DHX9: variants seen among roughly 807,000 people sequenced by gnomAD.
The protein encoded by DHX9 is DExH-box helicase 9.
A neutral mutation model predicts 148.7 loss-of-function variants in DHX9; 27 were observed. The observed-to-expected ratio is 0.18, with a 90% CI of 0.13 to 0.25. The LOEUF (loss-of-function observed/expected upper bound fraction) is 0.25, where lower values mean the gene tolerates loss of function less well. Among genes scored for constraint, DHX9 ranks in the 10% least tolerant of loss-of-function variants. DHX9 has a pLI of 1.00. For missense variants in DHX9, 796 were observed against 1,559.6 expected, an observed-to-expected ratio of 0.51 and a Z score of 8.25; for synonymous variants, 529 against 516.6, an observed-to-expected ratio of 1.02 and a Z score of -0.33.
At chr1:182,845,307 G>A (rs1044639651) in intron 3 of DHX9, among the ~76,000 whole-genome samples, 2 of 151,838 alleles carry the variant, frequency 1.3e-5, no homozygotes, top group African/African-American at 4.8e-5. Context: ...AGATCTGCTA[G>A]TGACAAATTC....
At chr1:182,886,732 C>G (rs1308947712) in intron 27 of DHX9, among the ~76,000 whole-genome samples, 1 of 152,192 alleles carries the variant, frequency 6.6e-6, no homozygotes, top group African/African-American at 2.4e-5. Context: ...AGGAAAACAT[C>G]TGGTGATAAA....
At position 182,880,487 on chromosome 1, in the gene DHX9, C is replaced by G. The variant is rs777669389; in HGVS notation, c.2513-10C>G. 4 of 1,574,032 alleles carry G rather than the reference C, an allele frequency of 2.5e-6. No individual in the cohort carries two copies. Among genetic ancestry groups the G allele is most frequent in the South Asian group, 2.2e-5 (2 of 89,210 alleles). The stretch of plus-strand genomic sequence containing the variant: ...TTTGTTTCTGCTCACAAAGAACTAT[C>G]TCCCCACAGAGCTTGATGCATTAGA... On this transcript the variant is annotated splice_polypyrimidine_tract_variant and intron_variant, in intron 21 of 27. Transcript: ENST00000367549.
At chr1:182,877,013 C>A in intron 19 of DHX9, 110 bp downstream of exon 19, 1 of 693,028 alleles carries the variant, frequency 1.4e-6, no homozygotes, top group Non-Finnish European at 2.5e-6. Flanking sequence ...GTTCTTAAAT[C>A]TCCAAAATTA....
intron 15 of DHX9, among the ~76,000 whole-genome samples, 187 bp from the exon 16 acceptor site, chr1:182,874,667 T>C (rs1283933527): frequency 6.6e-6 from 1 of 152,186 alleles, no homozygotes; most frequent in East Asian, 1.9e-4. Flanking sequence ...CTTCAAGGTC[T>C]AAGAGAGGGA....
At chr1:182,867,330 A>T (rs1221060821) in intron 14 of DHX9, among the ~76,000 whole-genome samples, 1 of 152,172 alleles carries the variant, frequency 6.6e-6, no homozygotes, top group Non-Finnish European at 1.5e-5. Flanking sequence ...ATGGTTTATG[A>T]CTAAATAGCT....
intron 4 of DHX9, 69 bp from the exon 5 acceptor site, chr1:182,853,237 A>G (rs1668188996): frequency 2.7e-6 from 3 of 1,116,792 alleles, no homozygotes; most frequent in Non-Finnish European, 4.0e-6. Flanking sequence ...AAATTAGGAT[A>G]ATTCTTTAAT....
intron 3 of DHX9, 127 bp downstream of exon 3, chr1:182,843,561 G>A: frequency 9.6e-7 from 1 of 1,046,642 alleles, no homozygotes; most frequent in South Asian, 2.2e-5. Context: ...ATGAAATTTG[G>A]CATCTTGTTT....
chr1:182,877,887 T>G, intron 19 of DHX9, 134 bp from the exon 20 acceptor site: 1 of 989,576 alleles, frequency 1.0e-6, no homozygotes, highest in Non-Finnish European at 1.5e-6. Context: ...TTCTTACTTG[T>G]GCCATTCATG....
chr1:182,886,194 T>C (rs577896851), intron 27 of DHX9, among the ~76,000 whole-genome samples: 1 of 151,582 alleles, frequency 6.6e-6, no homozygotes, highest in South Asian at 2.1e-4. Context: ...AATTTATTTA[T>C]TTATTTATTT....
intron 27 of DHX9, among the ~76,000 whole-genome samples, chr1:182,886,800 A>AC (rs1649350769): frequency 6.6e-6 from 1 of 152,228 alleles, no homozygotes; most frequent in Non-Finnish European, 1.5e-5. Context: ...CCTTCTTGGA[A>AC]CACTTATGTT....
At chr1:182,885,995 A>G (rs1649304028) in intron 27 of DHX9, among the ~76,000 whole-genome samples, 1 of 152,162 alleles carries the variant, frequency 6.6e-6, no homozygotes, top group African/African-American at 2.4e-5. Flanking sequence ...GATATATGCA[A>G]GAGAGTTTAG....
rs140607249 is a variant in DHX9, at chr1:182,880,369, A to G, written c.2513-128A>G. The G allele has an allele frequency of 3.7e-4, 207 of 560,628 alleles. 1 individual carries two copies. Among genetic ancestry groups the G allele is most frequent in the African/African-American group, 3.2e-3 (170 of 52,698 alleles). The allele number at this position is 560,628 out of a possible 1,614,324, so 34.7% of individuals were successfully genotyped here. ...GTACAGAGAATTGTTGGCCGTAGACATGGTATTAGCGATTGGCTTGACAAA... is the reference window on the plus strand; with the variant it reads ...GTACAGAGAATTGTTGGCCGTAGACGTGGTATTAGCGATTGGCTTGACAAA... On this transcript the variant is annotated intron_variant, in intron 21 of 27. Coordinates refer to ENST00000367549, the MANE Select transcript of DHX9 (RefSeq NM_001357.5).
At chr1:182,873,935 C>G (rs1478365282) in intron 15 of DHX9, among the ~76,000 whole-genome samples, 1 of 152,096 alleles carries the variant, frequency 6.6e-6, no homozygotes. Flanking sequence ...TAAAGGGACA[C>G]AGGAGCCAAC....
intron 19 of DHX9, chr1:182,877,709 A>G (rs1484008477): frequency 3.9e-6 from 1 of 256,332 alleles, no homozygotes. Context: ...GCCATATTCC[A>G]TTTAAATGCT....
At chr1:182,853,972 G>A in intron 5 of DHX9, 58 bp from the exon 6 acceptor site, 1 of 1,526,448 alleles carries the variant, frequency 6.6e-7, no homozygotes, top group African/African-American at 1.4e-5. Context: ...AAATTTCTGT[G>A]CCTTGTTTGT....
At chr1:182,847,005 C>T (rs1047028193) in intron 3 of DHX9, among the ~76,000 whole-genome samples, 1 of 151,684 alleles carries the variant, frequency 6.6e-6, no homozygotes, top group Admixed American at 6.6e-5. Context: ...GCTAAGCCCA[C>T]CCAGTGTATT....
At chr1:182,858,475 A>G in intron 8 of DHX9, 76 bp from the exon 9 acceptor site, 1 of 1,266,332 alleles carries the variant, frequency 7.9e-7, no homozygotes, top group South Asian at 1.4e-5. Context: ...TTGTAGACCT[A>G]GTGTTGACTG....
chr1:182,845,880 G>C (rs1444239028), intron 3 of DHX9, among the ~76,000 whole-genome samples: 1 of 152,218 alleles, frequency 6.6e-6, no homozygotes, highest in Non-Finnish European at 1.5e-5. Flanking sequence ...GAGCTCCCAT[G>C]CCCTGCCTCG....
chr1:182,860,697 G>C (rs1668345656), intron 12 of DHX9, among the ~76,000 whole-genome samples: 1 of 152,196 alleles, frequency 6.6e-6, no homozygotes, highest in East Asian at 1.9e-4. Flanking sequence ...GGTTAACACA[G>C]AAAGTGGTAG....
Sources: allele counts gnomAD v4.1 joint callset (sites outside exome capture counted in the v4.1 genomes callset), GRCh38; gene constraint gnomAD v4.1.1; transcripts MANE v1.5; gene names NCBI Gene and HGNC (gene_info 2026-07-23, HGNC 2026-07-21).